The following PCDHGA1 variants were observed in gnomAD, a reference collection of about 807,000 sequenced individuals.
PCDHGA1 encodes the protein protocadherin gamma-A1.
In PCDHGA1, 32 loss-of-function variants were observed where a neutral mutation model predicts 58.0. The ratio of observed to expected loss-of-function variants is 0.55; its 90% CI spans 0.42 to 0.74. The LOEUF is 0.74. Ranked by LOEUF, PCDHGA1 falls within the 30% of genes least tolerant of loss-of-function variation. The pLI is 0.00. For synonymous variants in PCDHGA1, 498 were observed against 501.1 expected (o/e 0.99, Z 0.08); for missense variants, 1,205 against 1,182.3 (o/e 1.02, Z -0.28).
intron 1 of PCDHGA1, chr5:141,382,669 G>GT (rs1778360255): frequency 2.3e-6 from 1 of 433,228 alleles, no homozygotes. Context: ...CAGCGCCGCT[G>GT]TTCACCAACC....
In PCDHGA1 at chr5:141,422,062, A is replaced by G. The variant is rs776838280; in HGVS notation, c.2422-72745A>G. The G allele has an allele frequency of 1.2e-6, 2 of 1,612,022 alleles. No individual in the cohort carries two copies. The highest frequency in any genetic ancestry group is 2.7e-5 in the African/African-American group (2 of 74,802). ...AGACGAGGGAATCAACGGGGAAGTAATGTATTCATTTCGGAACATGGAAAG... is the reference window on the plus strand; with the variant it reads ...AGACGAGGGAATCAACGGGGAAGTAGTGTATTCATTTCGGAACATGGAAAG... On this transcript the variant is annotated intron_variant, in intron 1 of 3. Transcript: ENST00000517417.
chr5:141,405,351 C>T (rs2094645564), intron 1 of PCDHGA1: 1 of 1,613,962 alleles, frequency 6.2e-7, no homozygotes, highest in Non-Finnish European at 8.5e-7. Context: ...TCCAAGTTTC[C>T]TATAGAAGAC....
chr5:141,467,042 G>T (rs2099134710), intron 1 of PCDHGA1, among the ~76,000 whole-genome samples: 1 of 149,884 alleles, frequency 6.7e-6, no homozygotes. Context: ...TTTGTGTAAT[G>T]AATCAATGTT....
intron 1 of PCDHGA1, among the ~76,000 whole-genome samples, chr5:141,436,889 G>T (rs1319754318): frequency 6.6e-6 from 1 of 152,208 alleles, no homozygotes; most frequent in Non-Finnish European, 1.5e-5. Flanking sequence ...ATGGGGGAAA[G>T]ATTTTTATAT....
Position 141,332,777 on chromosome 5 carries a change from C to A in PCDHGA1, c.2093C>A (p.Ala698Asp). The stretch of plus-strand genomic sequence containing the variant: ...ACTCTGTACCTGGTGGTGGCGGCGG[C>A]CGCGGTCTCCTGCGTCTTCCTGGCC... ...DLTLYLVVAA[A>D]AVSCVFLAFV... is the part of the protein sequence containing the mutation. The change falls in exon 1 of 4, where the codon GCC (alanine) becomes GAC (aspartate). Residue 698 changes from alanine to aspartate, a missense_variant. Ala to Asp is a moderately radical substitution (Grantham distance 126). Transcript: ENST00000517417. This position sits in a 1 kb window ranked among gnomAD's most constrained non-coding sequence, Gnocchi z 4.6. 1 of 1,614,128 alleles carries A rather than the reference C, an allele frequency of 6.2e-7. No homozygotes were observed. The highest frequency in any genetic ancestry group is 8.5e-7 in the Non-Finnish European group (1 of 1,179,994).
In PCDHGA1 at chr5:141,487,135, A is replaced by T; in HGVS notation, c.2422-7672A>T. 6.2e-7 allele frequency: 1 copy of T among 1,613,544 alleles called. No individual in the cohort carries two copies. The highest frequency in any genetic ancestry group is 8.5e-7 in the Non-Finnish European group (1 of 1,179,856). ...TGGTAAAGGATAGTGGTAGTCCACC[A>T]CTCTCTACCTCTGTTACTCTCTTAG... On this transcript the variant is annotated intron_variant, in intron 1 of 3. Transcript: ENST00000517417. The surrounding 1 kb of genome is among the most constrained non-coding windows in gnomAD (Gnocchi z 5.0).
At position 141,432,950 on chromosome 5, in the gene PCDHGA1, G is replaced by T. The variant is rs750033444; in HGVS notation, c.2422-61857G>T. ...ACGCCTGCTGCAGGCTTCAGGAGGCGGCTTGACAGGAGCGCCGGCGTCGCA... is the reference window on the plus strand; with the variant it reads ...ACGCCTGCTGCAGGCTTCAGGAGGCTGCTTGACAGGAGCGCCGGCGTCGCA... On this transcript the variant is annotated intron_variant, in intron 1 of 3. Coordinates refer to ENST00000517417, the MANE Select transcript of PCDHGA1 (RefSeq NM_018912.3). This position sits in a 1 kb window ranked among gnomAD's most constrained non-coding sequence, Gnocchi z 6.0. 6 of 1,614,072 alleles carry T rather than the reference G, an allele frequency of 3.7e-6. No individual in the cohort carries two copies. Among genetic ancestry groups the T allele is most frequent in the Admixed American group, 1.7e-5 (1 of 60,010 alleles).
rs2099735960 is a variant in PCDHGA1 at position 141,491,997 on chromosome 5, G to A, written c.2422-2810G>A. On this transcript the variant is annotated intron_variant, in intron 1 of 3. Transcript: ENST00000517417. The surrounding 1 kb of genome is among the most constrained non-coding windows in gnomAD (Gnocchi z 6.9). ...CCTTCGAGCTTCCGGTGAATTTCGG[G>A]CGATTTCCGCGGGTGTCGGGGGTCC... The A allele has an allele frequency of 1.5e-6, 1 of 671,074 alleles. No homozygotes were observed. The allele number at this position is 671,074 out of a possible 1,614,324, so 41.6% of individuals were successfully genotyped here.
At chr5:141,388,580 G>T (rs376569160) in intron 1 of PCDHGA1, 1 of 1,613,868 alleles carries the variant, frequency 6.2e-7, no homozygotes, top group Admixed American at 1.7e-5. Flanking sequence ...ACGTTCTAGT[G>T]ACTGATGCCA....
intron 1 of PCDHGA1, chr5:141,393,614 C>G: frequency 6.2e-7 from 1 of 1,613,778 alleles, no homozygotes; most frequent in Non-Finnish European, 8.5e-7. Context: ...TAACAGCCAG[C>G]GACCCGGATG....
At chr5:141,467,495 C>T (rs1161557245) in intron 1 of PCDHGA1, among the ~76,000 whole-genome samples, 1 of 152,140 alleles carries the variant, frequency 6.6e-6, no homozygotes, top group Non-Finnish European at 1.5e-5. Context: ...ATTTAGATCC[C>T]TGATCTAATT....
chr5:141,365,028 T>G, intron 1 of PCDHGA1: 1 of 1,613,890 alleles, frequency 6.2e-7, no homozygotes, highest in Non-Finnish European at 8.5e-7. Flanking sequence ...GTTACGGTCC[T>G]CGACGCAAAC....
At chr5:141,405,188 G>T (rs2094622261) in intron 1 of PCDHGA1, 1 of 1,613,954 alleles carries the variant, frequency 6.2e-7, no homozygotes, top group African/African-American at 1.3e-5. Context: ...TGTAGATGGG[G>T]TTCGAGCTTT....
At chr5:141,370,773 A>G in intron 1 of PCDHGA1, 2 of 1,614,002 alleles carry the variant, frequency 1.2e-6, no homozygotes, top group Non-Finnish European at 1.7e-6. Flanking sequence ...CCAGGATATT[A>G]ACGACAACCC....
intron 2 of PCDHGA1, among the ~76,000 whole-genome samples, chr5:141,497,290 C>A (rs182104163): frequency 4.7e-4 from 72 of 152,184 alleles, no homozygotes; most frequent in Middle Eastern, 3.4e-3. Flanking sequence ...CTCTACCTAC[C>A]ACCACCCCAG....
Position 141,419,433 on chromosome 5 carries a change from T to C in PCDHGA1, c.2422-75374T>C, listed in dbSNP as rs1333004780. 11 of 1,613,246 alleles carry C rather than the reference T, an allele frequency of 6.8e-6. No individual in the cohort carries two copies. The highest frequency in any genetic ancestry group is 9.3e-6 in the Non-Finnish European group (11 of 1,179,828). On this transcript the variant is annotated intron_variant, in intron 1 of 3. Coordinates refer to ENST00000517417, the MANE Select transcript of PCDHGA1 (RefSeq NM_018912.3). ...CAGCGCGCCTTCGACCACGAGCAGC[T>C]GCGCACCTTCGAGCTCACGCTGCAG... is the stretch of plus-strand genomic sequence containing the variant.
chr5:141,359,582 T>A (rs936451476), intron 1 of PCDHGA1, among the ~76,000 whole-genome samples: 2 of 151,660 alleles, frequency 1.3e-5, no homozygotes, highest in African/African-American at 4.9e-5. Context: ...CTTTAAGATA[T>A]AACAACTAAA....
Position 141,427,920 on chromosome 5 carries a change from C to T in PCDHGA1, c.2422-66887C>T, listed in dbSNP as rs552823212. The T allele has an allele frequency of 3.8e-6, 6 of 1,579,506 alleles. No homozygotes were observed. In the African/African-American group the frequency reaches 4.0e-5, roughly 11 times the overall value. On this transcript the variant is annotated intron_variant, in intron 1 of 3. Transcript: ENST00000517417. The stretch of plus-strand genomic sequence containing the variant: ...GCCCGCGCTCAGCGCCAACATGAGC[C>T]GGCGCATGTTGGTGGGCGACCTCAA...
intron 1 of PCDHGA1, chr5:141,366,752 G>A: frequency 1.2e-6 from 2 of 1,607,644 alleles, no homozygotes; most frequent in Non-Finnish European, 1.7e-6. Flanking sequence ...GCGAGTTCAG[G>A]TTAGTTTTCT....
Sources: gnomAD v4.1 joint callset for allele counts (sites outside exome capture counted in the v4.1 genomes callset) on GRCh38, gnomAD v4.1.1 for gene constraint, Gnocchi (gnomAD v3.1) non-coding constraint, MANE v1.5 for transcripts, NCBI Gene and HGNC (gene_info 2026-07-23, HGNC 2026-07-21) for gene names.